Variants in EHBP1 observed in about 807,000 individuals in gnomAD.
EHBP1 encodes the protein EH domain binding protein 1.
EHBP1 carries 55 observed loss-of-function variants against 144.0 expected under a neutral mutation model. The observed-to-expected ratio is 0.38, with a 90% CI of 0.31 to 0.48. EHBP1 has a LOEUF of 0.48. Ranked by LOEUF, EHBP1 falls within the 20% of genes least tolerant of loss-of-function variation. The pLI is 0.98. For synonymous variants in EHBP1, 469 were observed against 472.7 expected, an observed-to-expected ratio of 0.99 and a Z score of 0.10; for missense variants, 1,200 against 1,364.2, an observed-to-expected ratio of 0.88 and a Z score of 1.90.
Position 62,730,624 on chromosome 2 carries a change from T to TAGAG in EHBP1, c.105-16757_105-16754dup, listed in dbSNP as rs898881603. On this transcript the variant is annotated intron_variant, in intron 2 of 22. Transcript: ENST00000431489. ...CTCTAAACATCTTTTTCTTTTTTTT[T>TAGAG]AGAGAGAGAGAGAGAGACAGAGACA... is the stretch of plus-strand genomic sequence containing the variant. 3.3e-4 allele frequency among the ~76,000 whole-genome samples: 49 copies of TAGAG among 149,782 alleles called. 1 individual carries two copies. Among genetic ancestry groups the TAGAG allele is most frequent in the African/African-American group, 1.1e-3 (43 of 40,884 alleles).
chr2:63,013,640 C>G (rs2060362437), intron 19 of EHBP1, among the ~76,000 whole-genome samples: 1 of 152,228 alleles, frequency 6.6e-6, no homozygotes, highest in African/African-American at 2.4e-5. Flanking sequence ...AATGAGCTTG[C>G]TCTGATCTTT....
chr2:62,871,480 T>C (rs1321571128), intron 9 of EHBP1, among the ~76,000 whole-genome samples: 4 of 152,334 alleles, frequency 2.6e-5, no homozygotes, highest in Non-Finnish European at 4.4e-5. Flanking sequence ...GTTCTAAAGA[T>C]TGCGCATAAG....
chr2:62,909,410 T>C (rs1006960868), intron 10 of EHBP1, among the ~76,000 whole-genome samples: 1 of 152,218 alleles, frequency 6.6e-6, no homozygotes, highest in African/African-American at 2.4e-5. Flanking sequence ...CTCGAACTTC[T>C]AGACTGAAGT....
intron 14 of EHBP1, among the ~76,000 whole-genome samples, chr2:62,978,506 T>C (rs1436611874): frequency 6.6e-6 from 1 of 152,122 alleles, no homozygotes; most frequent in African/African-American, 2.4e-5. Context: ...CAGCCAATAA[T>C]CCTTTTTTTA....
chr2:62,762,973 G>A (rs1043740657), intron 3 of EHBP1, among the ~76,000 whole-genome samples: 1 of 152,054 alleles, frequency 6.6e-6, no homozygotes, highest in Non-Finnish European at 1.5e-5. Context: ...CTCTGGCCTT[G>A]TGTCTTACTG....
upstream of EHBP1, among the ~76,000 whole-genome samples, chr2:62,703,204 TA>T (rs879746583): frequency 1.3e-3 from 186 of 143,628 alleles, no homozygotes; most frequent in Middle Eastern, 3.6e-3. Context: ...ACTTGCTCCT[TA>T]AAAAAAAAAA....
chr2:63,016,407 TGGG>T (rs747768018), intron 19 of EHBP1, among the ~76,000 whole-genome samples: 1 of 149,686 alleles, frequency 6.7e-6, no homozygotes, highest in Non-Finnish European at 1.5e-5. Flanking sequence ...TGTGGGGTTT[TGGG>T]GGGTTTTTTG....
chr2:63,005,901 CTTGG>C lies in EHBP1; in HGVS notation c.3103+9137_3103+9140del, dbSNP rs1186302244. ...ATATCATTCTAACATGCCTAAAATA[CTTGG>C]TAACATATAGTAATTATTCATAATT... On this transcript the variant is annotated intron_variant, in intron 19 of 22. Coordinates refer to ENST00000431489, the MANE Select transcript of EHBP1 (RefSeq NM_001142616.3). 2.0e-4 allele frequency among the ~76,000 whole-genome samples: 30 copies of C among 152,090 alleles called. No individual in the cohort carries two copies. The South Asian group carries it at 4.4e-3, about 22-fold the overall frequency.
intron 7 of EHBP1, among the ~76,000 whole-genome samples, chr2:62,837,309 A>G (rs1162024412): frequency 6.9e-6 from 1 of 145,662 alleles, no homozygotes; most frequent in Non-Finnish European, 1.5e-5. Flanking sequence ...TGTCACCACC[A>G]GGCCTGCCCT....
rs2152814487 is a variant in EHBP1, at chr2:62,864,937, G to A, written c.964G>A (p.Asp322Asn). The A allele has an allele frequency of 3.7e-6, 6 of 1,613,458 alleles. No homozygotes were observed. The highest frequency in any genetic ancestry group is 1.1e-5 in the South Asian group (1 of 90,946). The change falls in exon 9 of 23, where the codon GAT becomes AAT. Residue 322 changes from aspartate (D) to asparagine (N), a missense_variant. Transcript: ENST00000431489. ...GGATATGAGCAAGTACCTCTATGCT[G>A]ATAGTTCTAAAACTGAAGAAGAAGA... ...PVDMSKYLYA[D>N]SSKTEEEELD... is the part of the protein sequence containing the mutation.
intron 5 of EHBP1, among the ~76,000 whole-genome samples, chr2:62,823,642 T>G (rs979856655): frequency 1.3e-5 from 2 of 152,088 alleles, no homozygotes; most frequent in African/African-American, 4.8e-5. Flanking sequence ...CAAAAATTCA[T>G]GGAGTGGGGT....
intron 10 of EHBP1, among the ~76,000 whole-genome samples, chr2:62,902,701 A>G (rs1056241916): frequency 1.3e-5 from 2 of 152,184 alleles, no homozygotes; most frequent in Admixed American, 6.5e-5. Context: ...TTATAAATGA[A>G]AAGTAACAAG....
chr2:62,839,616 C>T (rs2047619633), intron 7 of EHBP1, among the ~76,000 whole-genome samples: 1 of 149,592 alleles, frequency 6.7e-6, no homozygotes, highest in Non-Finnish European at 1.5e-5. Context: ...CCAAAATCTC[C>T]TTAAGCTGAT....
chr2:62,764,999 A>T (rs1232290164), intron 4 of EHBP1, among the ~76,000 whole-genome samples: 1 of 151,970 alleles, frequency 6.6e-6, no homozygotes, highest in African/African-American at 2.4e-5. Context: ...ATTTTTTTTT[A>T]AAAAGACCTT....
At chr2:62,949,292 G>GCACA in intron 13 of EHBP1, 130 bp downstream of exon 13, 4 of 828,858 alleles carry the variant, frequency 4.8e-6, no homozygotes, top group Non-Finnish European at 7.1e-6. Flanking sequence ...AACTCCTGAG[G>GCACA]CATGTAGTAA....
At position 62,942,712 on chromosome 2, in the gene EHBP1, T is replaced by C. The variant is rs1247563433; in HGVS notation, c.1186-6T>C. On this transcript the variant is annotated splice_polypyrimidine_tract_variant and splice_region_variant and intron_variant, in intron 10 of 22. Transcript: ENST00000431489. ...TTAATGTTTTCCCCTTTTCATTTTT[T>C]TCTAGCCAAGCCCTATACCAAGTCC... The C allele has an allele frequency of 1.3e-6, 2 of 1,555,006 alleles. No homozygotes were observed. The highest frequency in any genetic ancestry group is 1.7e-6 in the Non-Finnish European group (2 of 1,151,510).
intron 21 of EHBP1, among the ~76,000 whole-genome samples, chr2:63,040,235 G>A (rs908298210): frequency 6.6e-6 from 1 of 151,150 alleles, no homozygotes; most frequent in African/African-American, 2.4e-5. Flanking sequence ...TAGATTCATT[G>A]TACACTACAC....
At chr2:62,864,471 GA>G (rs931414333) in intron 8 of EHBP1, among the ~76,000 whole-genome samples, 21 of 152,110 alleles carry the variant, frequency 1.4e-4, no homozygotes, top group African/African-American at 4.8e-4. Flanking sequence ...AGGATCTCAA[GA>G]AACAGTAATG....
intron 19 of EHBP1, among the ~76,000 whole-genome samples, chr2:63,033,515 T>A (rs2061342375): frequency 6.6e-6 from 1 of 152,200 alleles, no homozygotes; most frequent in African/African-American, 2.4e-5. Context: ...TCAGCTAAAA[T>A]TGTTTTATTC....
Sources: gnomAD v4.1 joint callset for allele counts (sites outside exome capture counted in the v4.1 genomes callset) on GRCh38, gnomAD v4.1.1 for gene constraint, MANE v1.5 for transcripts, NCBI Gene and HGNC (gene_info 2026-07-23, HGNC 2026-07-21) for gene names.